RPS6KC1: variants seen among roughly 807,000 people sequenced by gnomAD.
RPS6KC1 encodes ribosomal protein S6 kinase C1.
RPS6KC1 carries 54 observed loss-of-function variants against 103.8 expected under a neutral mutation model. That is an observed-to-expected ratio of 0.52 (90% CI 0.42 to 0.65). The LOEUF (loss-of-function observed/expected upper bound fraction) is 0.65, where lower values mean the gene tolerates loss of function less well. RPS6KC1 is among the 30% of genes least tolerant of loss of function. RPS6KC1 has a pLI of 0.00. For synonymous variants in RPS6KC1, 439 were observed against 438.7 expected, an observed-to-expected ratio of 1.00 and a Z score of -0.01; for missense variants, 1,151 against 1,253.8, an observed-to-expected ratio of 0.92 and a Z score of 1.24.
At chr1:213,236,859 A>G (rs1242749164) in intron 10 of RPS6KC1, among the ~76,000 whole-genome samples, 1 of 152,124 alleles carries the variant, frequency 6.6e-6, no homozygotes, top group Non-Finnish European at 1.5e-5. Flanking sequence ...GAGTAAAATG[A>G]TTCTTTTATT....
chr1:213,570,694 G>A, the RPS6KC1 span, among the ~76,000 whole-genome samples: 1 of 152,168 alleles, frequency 6.6e-6, no homozygotes, highest in Non-Finnish European at 1.5e-5. Context: ...TTTATCAAAT[G>A]AGTCAGGAAT....
At chr1:213,298,860 T>C in the RPS6KC1 span, among the ~76,000 whole-genome samples, 1 of 152,216 alleles carries the variant, frequency 6.6e-6, no homozygotes, top group East Asian at 1.9e-4. Flanking sequence ...GGTTATCAAG[T>C]GCTGTGTTAC....
chr1:213,436,257 A>C, the RPS6KC1 span, among the ~76,000 whole-genome samples: 1 of 152,362 alleles, frequency 6.6e-6, no homozygotes. Flanking sequence ...TTCTTGAATC[A>C]CAATGACTGC....
the RPS6KC1 span, among the ~76,000 whole-genome samples, chr1:213,757,746 T>C: frequency 3.3e-5 from 5 of 152,334 alleles, no homozygotes; most frequent in African/African-American, 9.6e-5. Context: ...AGGACTTTCA[T>C]AGCTGGAGAG....
At chr1:213,365,688 AT>A in the RPS6KC1 span, among the ~76,000 whole-genome samples, 9 of 151,808 alleles carry the variant, frequency 5.9e-5, no homozygotes, top group African/African-American at 1.9e-4. Flanking sequence ...GCTTTTTCTC[AT>A]TTTTTTTGTT....
the RPS6KC1 span, among the ~76,000 whole-genome samples, chr1:213,737,718 A>G: frequency 6.6e-6 from 1 of 152,192 alleles, no homozygotes; most frequent in African/African-American, 2.4e-5. Context: ...TTCACTAATC[A>G]ACATGGCTCT....
At chr1:213,749,285 A>C in the RPS6KC1 span, among the ~76,000 whole-genome samples, 1 of 152,206 alleles carries the variant, frequency 6.6e-6, no homozygotes, top group East Asian at 1.9e-4. Context: ...AGCCATGTGC[A>C]TGGAGTAGGT....
Position 213,126,213 on chromosome 1 carries a change from A to C in RPS6KC1, c.473-3314A>C, listed in dbSNP as rs114043876. 4.4e-3 allele frequency among the ~76,000 whole-genome samples: 664 copies of C among 152,290 alleles called. 5 individuals are homozygous for C. Among genetic ancestry groups the C allele is most frequent in the African/African-American group, 0.015 (640 of 41,578 alleles). On this transcript the variant is annotated intron_variant, in intron 5 of 14. Transcript: ENST00000366960. ...TATTTAAAATGACAAGAAAAATCTC[A>C]TAAAATTTATATATATTTCTTAGGA... is the stretch of plus-strand genomic sequence containing the variant.
chr1:213,180,274 C>A (rs2092183451), intron 8 of RPS6KC1, among the ~76,000 whole-genome samples: 1 of 152,038 alleles, frequency 6.6e-6, no homozygotes, highest in Non-Finnish European at 1.5e-5. Context: ...GTCAGAACAA[C>A]AAGTGCAAAC....
chr1:213,422,823 C>T, the RPS6KC1 span, among the ~76,000 whole-genome samples: 2 of 152,230 alleles, frequency 1.3e-5, no homozygotes, highest in South Asian at 4.1e-4. Context: ...AAGGATTCAA[C>T]CAAGGCATCT....
the RPS6KC1 span, among the ~76,000 whole-genome samples, chr1:213,489,577 A>G: frequency 1.3e-5 from 2 of 152,194 alleles, no homozygotes; most frequent in African/African-American, 4.8e-5. Flanking sequence ...CTCACTTTGG[A>G]GGAGCTCACA....
chr1:213,647,528 T>C, the RPS6KC1 span, among the ~76,000 whole-genome samples: 1 of 152,216 alleles, frequency 6.6e-6, no homozygotes, highest in South Asian at 2.1e-4. Flanking sequence ...CAACAACTGA[T>C]GACCTTAGAC....
the RPS6KC1 span, among the ~76,000 whole-genome samples, chr1:213,285,045 T>A: frequency 6.6e-6 from 1 of 152,234 alleles, no homozygotes; most frequent in Non-Finnish European, 1.5e-5. Flanking sequence ...TGTCTTAGTT[T>A]GGACTACTAT....
the RPS6KC1 span, among the ~76,000 whole-genome samples, chr1:213,388,479 T>C: frequency 6.6e-6 from 1 of 152,176 alleles, no homozygotes; most frequent in Non-Finnish European, 1.5e-5. Context: ...CCTCCCACAT[T>C]CTTCATGCAA....
the RPS6KC1 span, among the ~76,000 whole-genome samples, chr1:213,588,358 A>C: frequency 6.6e-6 from 1 of 150,824 alleles, no homozygotes; most frequent in Non-Finnish European, 1.5e-5. Context: ...CAGTGGCGCA[A>C]TCTCAGCTCA....
At chr1:213,115,148 C>A (rs2083447946) in intron 4 of RPS6KC1, among the ~76,000 whole-genome samples, 2 of 152,090 alleles carry the variant, frequency 1.3e-5, no homozygotes, top group African/African-American at 4.8e-5. Flanking sequence ...ATCTTTGTAC[C>A]TCTGGTAGAA....
the RPS6KC1 span, among the ~76,000 whole-genome samples, chr1:213,301,278 T>C: frequency 6.6e-6 from 1 of 152,222 alleles, no homozygotes; most frequent in Non-Finnish European, 1.5e-5. Context: ...CCAGAAGGAA[T>C]GTCAAGGCCT....
chr1:213,178,077 C>T (rs1386092643), intron 8 of RPS6KC1, among the ~76,000 whole-genome samples: 1 of 151,134 alleles, frequency 6.6e-6, no homozygotes, highest in Non-Finnish European at 1.5e-5. Flanking sequence ...CCCAGCTGCT[C>T]GGGAGGCTGA....
At chr1:213,157,055 C>T (rs2089970869) in intron 6 of RPS6KC1, among the ~76,000 whole-genome samples, 1 of 152,084 alleles carries the variant, frequency 6.6e-6, no homozygotes, top group South Asian at 2.1e-4. Context: ...ATTAGTGTCC[C>T]TCTAAGCACT....
Sources: allele counts gnomAD v4.1 joint callset (sites outside exome capture counted in the v4.1 genomes callset), GRCh38; gene constraint gnomAD v4.1.1; transcripts MANE v1.5; gene names NCBI Gene and HGNC (gene_info 2026-07-23, HGNC 2026-07-21).